TMEM132D: variants seen among roughly 807,000 people sequenced by gnomAD.
The protein encoded by TMEM132D is mature OL transmembrane protein.
TMEM132D carries 21 observed loss-of-function variants against 62.3 expected under a neutral mutation model. That is an observed-to-expected ratio of 0.34 (90% CI 0.24 to 0.49). The LOEUF is 0.49. Among genes scored for constraint, TMEM132D ranks in the 20% least tolerant of loss-of-function variants. The probability of loss-of-function intolerance (pLI) is 0.99; values close to 1 mark genes in which losing one functional copy is unlikely to be tolerated. For missense variants in TMEM132D, 1,346 were observed against 1,402.8 expected (o/e 0.96, Z 0.65); for synonymous variants, 621 against 575.6 (o/e 1.08, Z -1.13).
intron 3 of TMEM132D, among the ~76,000 whole-genome samples, chr12:129,422,743 C>T (rs1023521894): frequency 9.9e-5 from 15 of 152,024 alleles, no homozygotes; most frequent in Admixed American, 6.6e-5. Context: ...ATTATTTATA[C>T]TGATAAAAAT....
intron 5 of TMEM132D, among the ~76,000 whole-genome samples, chr12:129,139,604 TG>T (rs1876678487): frequency 6.6e-6 from 1 of 152,226 alleles, no homozygotes; most frequent in African/African-American, 2.4e-5. Flanking sequence ...ATCTGGTGCC[TG>T]GTCAAATAAG....
chr12:129,361,768 G>A (rs1870254868), intron 3 of TMEM132D, among the ~76,000 whole-genome samples: 1 of 152,124 alleles, frequency 6.6e-6, no homozygotes, highest in Non-Finnish European at 1.5e-5. Flanking sequence ...AAAACCATTT[G>A]TACTACTTGA....
At chr12:129,356,703 A>G (rs1490824257) in intron 3 of TMEM132D, among the ~76,000 whole-genome samples, 2 of 150,692 alleles carry the variant, frequency 1.3e-5, no homozygotes, top group African/African-American at 4.9e-5. Flanking sequence ...TAAATAAAAT[A>G]AAAATACAAA....
At chr12:129,848,984 C>T (rs1040708468) in intron 1 of TMEM132D, among the ~76,000 whole-genome samples, 1 of 152,176 alleles carries the variant, frequency 6.6e-6, no homozygotes, top group African/African-American at 2.4e-5. Context: ...TCCTGCCTCT[C>T]GTATAATTGC....
intron 2 of TMEM132D, among the ~76,000 whole-genome samples, chr12:129,560,642 C>A (rs1261147481): frequency 1.3e-5 from 2 of 152,144 alleles, no homozygotes; most frequent in Non-Finnish European, 2.9e-5. Flanking sequence ...GAGCTTAACA[C>A]CCAGGTAGGA....
At chr12:129,111,631 T>A (rs1337353377) in intron 5 of TMEM132D, 1 of 152,160 alleles carries the variant, frequency 6.6e-6, no homozygotes, top group African/African-American at 2.4e-5. Context: ...AATCCACCCA[T>A]CATTTCTGAA....
At chr12:129,315,775 C>CT (rs200661123) in intron 4 of TMEM132D, among the ~76,000 whole-genome samples, 1,917 of 152,012 alleles carry the variant, frequency 0.013, 44 homozygotes, top group African/African-American at 0.044. Context: ...TGGTCTTGGA[C>CT]TTTTTTTGTT....
intron 1 of TMEM132D, among the ~76,000 whole-genome samples, chr12:129,879,831 A>G (rs2137384685): frequency 6.6e-6 from 1 of 152,276 alleles, no homozygotes; most frequent in African/African-American, 2.4e-5. Flanking sequence ...GAAAAAGAAG[A>G]CAACCAAGAA....
intron 2 of TMEM132D, among the ~76,000 whole-genome samples, chr12:129,648,609 T>A (rs980402136): frequency 5.3e-5 from 8 of 152,204 alleles, no homozygotes; most frequent in African/African-American, 1.9e-4. Context: ...ACATAGCCCG[T>A]GCATTAAAAA....
chr12:129,113,928 G>A (rs952269363), intron 5 of TMEM132D, among the ~76,000 whole-genome samples: 35 of 152,068 alleles, frequency 2.3e-4, no homozygotes, highest in African/African-American at 7.7e-4. Context: ...CAGCTGGGTA[G>A]GGGATGGAAT....
intron 2 of TMEM132D, among the ~76,000 whole-genome samples, chr12:129,593,583 T>C (rs553030247): frequency 6.6e-6 from 1 of 152,340 alleles, no homozygotes; most frequent in East Asian, 1.9e-4. Flanking sequence ...AAGAAAATTC[T>C]TGATGACAAA....
intron 2 of TMEM132D, among the ~76,000 whole-genome samples, chr12:129,575,333 T>A (rs155686): frequency 0.37 from 55,754 of 151,518 alleles, 10,582 homozygotes; most frequent in East Asian, 0.45. Context: ...CCTGCTCAGC[T>A]TGGCTGATGG....
chr12:129,198,253 C>T (rs570573035), intron 5 of TMEM132D, among the ~76,000 whole-genome samples: 25 of 152,236 alleles, frequency 1.6e-4, no homozygotes, highest in African/African-American at 4.8e-4. Context: ...GAGAACCATA[C>T]GGAGGTTACT....
rs1437677500 is a variant in TMEM132D, at chr12:129,724,896, C to T, written c.80-24198G>A. Among the ~76,000 whole-genome samples, 6 of 152,140 alleles carry T rather than the reference C, an allele frequency of 3.9e-5. No homozygotes were observed. In the East Asian group the frequency reaches 5.8e-4, roughly 15 times the overall value. ...ATAGGAAATTATACAGCTAGGCACA[C>T]GGGAAGATAGCATTGTGAAGTCTCC... On this transcript the variant is annotated intron_variant, in intron 1 of 8. Coordinates refer to ENST00000422113, the MANE Select transcript of TMEM132D (RefSeq NM_133448.3).
chr12:129,828,396 TGTAA>T (rs145163538), intron 1 of TMEM132D, among the ~76,000 whole-genome samples: 10,296 of 152,134 alleles, frequency 0.068, 389 homozygotes, highest in Admixed American at 0.11. Context: ...TTAGAAATTA[TGTAA>T]GTATTATCTT....
chr12:129,257,204 CTTT>C (rs10609616), intron 4 of TMEM132D, among the ~76,000 whole-genome samples: 8 of 122,606 alleles, frequency 6.5e-5, no homozygotes, highest in South Asian at 2.7e-4. Flanking sequence ...CTGTTTCTTT[CTTT>C]TTTTTTTTTT....
intron 3 of TMEM132D, among the ~76,000 whole-genome samples, chr12:129,506,742 G>A (rs756833120): frequency 1.3e-5 from 2 of 152,002 alleles, no homozygotes; most frequent in African/African-American, 2.4e-5. Context: ...CTAAGACCTG[G>A]AACTACAAAA....
intron 2 of TMEM132D, among the ~76,000 whole-genome samples, chr12:129,636,154 T>G (rs1044627210): frequency 2.6e-5 from 4 of 152,170 alleles, no homozygotes; most frequent in African/African-American, 7.2e-5. Flanking sequence ...ATTTCCTGCT[T>G]AGATCTTTAA....
chr12:129,268,755 C>T (rs1296261335), intron 4 of TMEM132D, among the ~76,000 whole-genome samples: 4 of 151,994 alleles, frequency 2.6e-5, no homozygotes, highest in Non-Finnish European at 5.9e-5. Flanking sequence ...ATAGCAATGA[C>T]TTGGAAGCAA....
Sources: gnomAD v4.1 joint callset for allele counts (sites outside exome capture counted in the v4.1 genomes callset) on GRCh38, gnomAD v4.1.1 for gene constraint, MANE v1.5 for transcripts, NCBI Gene and HGNC (gene_info 2026-07-23, HGNC 2026-07-21) for gene names.